LCN9: variants seen among roughly 807,000 people sequenced by gnomAD.
LCN9 encodes the protein lipocalin 9, also known as epididymal-specific lipocalin-9.
A neutral mutation model predicts 18.5 loss-of-function variants in LCN9; 22 were observed. The ratio of observed to expected loss-of-function variants is 1.19; its 90% CI spans 0.85 to 1.70. The LOEUF (loss-of-function observed/expected upper bound fraction) is 1.70, where lower values mean the gene tolerates loss of function less well. Ranked by LOEUF, LCN9 falls within the 40% of genes most tolerant of loss-of-function variation. The pLI, the probability that LCN9 is intolerant of heterozygous loss-of-function variation, is 0.00. For missense variants in LCN9, 202 were observed against 201.3 expected (o/e 1.00, Z -0.02); for synonymous variants, 89 against 83.0 (o/e 1.07, Z -0.39).
At position 135,665,106 on chromosome 9, in the gene LCN9, T is replaced by C; in HGVS notation, c.308-139T>C. The C allele has an allele frequency of 4.4e-6, 3 of 681,526 alleles. No homozygotes were observed. Among genetic ancestry groups the C allele is most frequent in the South Asian group, 3.4e-5 (2 of 59,172 alleles). The allele number at this position is 681,526 out of a possible 1,614,324, so 42.2% of individuals were successfully genotyped here. A position where few individuals can be genotyped will look rare whatever the true frequency, so the allele number is the denominator to read the frequency against. ...CCGCCCCCTGTGCAGGGGTCTCCGCTGGGTGAGCACCGTGGGCTCCTCCCC... is the reference window on the plus strand; with the variant it reads ...CCGCCCCCTGTGCAGGGGTCTCCGCCGGGTGAGCACCGTGGGCTCCTCCCC... On this transcript the variant is annotated intron_variant, in intron 3 of 5. Coordinates refer to ENST00000619315, the Ensembl canonical transcript of LCN9. This position sits in a 1 kb window ranked among gnomAD's most constrained non-coding sequence, Gnocchi z 5.9.
In LCN9 at chr9:135,664,420, G is replaced by A. The variant is rs1361650816; in HGVS notation, c.233+122G>A. On this transcript the variant is annotated intron_variant, in intron 2 of 5. Coordinates refer to ENST00000619315, the Ensembl canonical transcript of LCN9. This position sits in a 1 kb window ranked among gnomAD's most constrained non-coding sequence, Gnocchi z 4.5. The stretch of plus-strand genomic sequence containing the variant: ...CTGACTTGCACTCTGGTGAGAGCCT[G>A]AGCCTGTGCGTGTGACCCTTGGGGG... The A allele has an allele frequency of 7.7e-7, 1 of 1,306,342 alleles. No homozygotes were observed. Among genetic ancestry groups the A allele is most frequent in the African/African-American group, 1.4e-5 (1 of 69,068 alleles). 80.9% of individuals were successfully genotyped at this position (1,306,342 alleles called of 1,614,324 possible).
In LCN9 at chr9:135,664,541, G is replaced by A. The variant is rs150721370; in HGVS notation, c.234-181G>A. Among the ~76,000 whole-genome samples the A allele has an allele frequency of 6.6e-5, 10 of 152,218 alleles. No homozygotes were observed. The East Asian group carries it at 1.7e-3, about 26-fold the overall frequency. On this transcript the variant is annotated intron_variant, in intron 2 of 5. Coordinates refer to ENST00000619315, the Ensembl canonical transcript of LCN9. The surrounding 1 kb of genome is among the most constrained non-coding windows in gnomAD (Gnocchi z 4.5). ...CGCCCCCTTCCAAGGCTGGGGTGAG[G>A]TTCGAGGAGATGAGGGTGTCCGGTG... is the stretch of plus-strand genomic sequence containing the variant.
Position 135,664,137 on chromosome 9 carries a change from A to T in LCN9, c.97-25A>T. On this transcript the variant is annotated intron_variant, in intron 1 of 5. Transcript: ENST00000619315. This position sits in a 1 kb window ranked among gnomAD's most constrained non-coding sequence, Gnocchi z 4.5. The stretch of plus-strand genomic sequence containing the variant: ...CCCCAGGGCTGTCCCGCGGCCCCCC[A>T]CCCACTGGAGCTCTTTGTCTTCAGG... The T allele has an allele frequency of 6.8e-7, 1 of 1,461,230 alleles. No homozygotes were observed. The highest frequency in any genetic ancestry group is 9.3e-7 in the Non-Finnish European group (1 of 1,072,934). The allele number at this position is 1,461,230 out of a possible 1,614,324, so 90.5% of individuals were successfully genotyped here.
intron 1 of LCN9, 55 bp downstream of exon 1, chr9:135,663,472 TCCCCCAG>T (rs1231211010): frequency 6.7e-7 from 1 of 1,492,974 alleles, no homozygotes; most frequent in Non-Finnish European, 9.3e-7. Flanking sequence ...GCACCTGTCT[TCCCCCAG>T]CCTGGGGTCT....
Position 135,664,325 on chromosome 9 carries a change from T to C in LCN9, c.233+27T>C, listed in dbSNP as rs753333877. On this transcript the variant is annotated intron_variant, in intron 2 of 5. Transcript: ENST00000619315. The surrounding 1 kb of genome is among the most constrained non-coding windows in gnomAD (Gnocchi z 4.5). ...TGCGTGTTGCCCATCTCAGCTGGCA[T>C]CAGGAAGACCCATGCCCCTGCCACC... 6.2e-7 allele frequency: 1 copy of C among 1,613,316 alleles called. No homozygotes were observed.
Position 135,664,791 on chromosome 9 carries a change from C to A in LCN9, c.303C>A (p.Ile101=). 6.3e-7 allele frequency: 1 copy of A among 1,585,144 alleles called. No homozygotes were observed. Among genetic ancestry groups the A allele is most frequent in the Admixed American group, 1.8e-5 (1 of 55,478 alleles). Residue 101 remains isoleucine, a synonymous_variant, in exon 3 of 6, where the codon ATC becomes ATA. Coordinates refer to ENST00000619315, the Ensembl canonical transcript of LCN9. The surrounding 1 kb of genome is among the most constrained non-coding windows in gnomAD (Gnocchi z 4.5). ...CAGAGAAGAATGGGGAATACTCCAT[C>A]AACTGTAAGTGGAAGCCAGGCTCCT... is the stretch of plus-strand genomic sequence containing the variant.
At chr9:135,663,536 T>TC (rs1564285651) in intron 1 of LCN9, 119 bp downstream of exon 1, 1 of 509,852 alleles carries the variant, frequency 2.0e-6, no homozygotes, top group Non-Finnish European at 3.4e-6. Flanking sequence ...CCACCTCTCC[T>TC]CCCCAAGCTG....
At position 135,665,863 on chromosome 9, in the gene LCN9, C is replaced by G; in HGVS notation, c.*12C>G. 1.2e-6 allele frequency: 2 copies of G among 1,612,900 alleles called. No homozygotes were observed. Among genetic ancestry groups the G allele is most frequent in the Non-Finnish European group, 1.7e-6 (2 of 1,179,534 alleles). ...GAGAGCCCCCTCTGTCCTTCCAGAT[C>G]CCTGCTACTCCAAGCATTACAGGAG... On this transcript the variant is annotated splice_region_variant and 3_prime_UTR_variant, in exon 6 of 6. Transcript: ENST00000619315. This position sits in a 1 kb window ranked among gnomAD's most constrained non-coding sequence, Gnocchi z 5.9.
Position 135,665,935 on chromosome 9 carries a change from G to C in LCN9, c.*84G>C, listed in dbSNP as rs756809247. ...TGAGCTGCGACTCGGGACGGGCAGG[G>C]GGCTGGATGGGGAGAGCTTGGGGCC... On this transcript the variant is annotated 3_prime_UTR_variant, in exon 6 of 6. Transcript: ENST00000619315. This position sits in a 1 kb window ranked among gnomAD's most constrained non-coding sequence, Gnocchi z 5.9. 7 of 1,605,668 alleles carry C rather than the reference G, an allele frequency of 4.4e-6. No individual in the cohort carries two copies. Among genetic ancestry groups the C allele is most frequent in the Non-Finnish European group, 5.9e-6 (7 of 1,178,048 alleles).
intron 1 of LCN9, among the ~76,000 whole-genome samples, 164 bp from the exon 2 acceptor site, chr9:135,663,998 G>A (rs1446544499): frequency 1.4e-5 from 2 of 146,022 alleles, no homozygotes; most frequent in Non-Finnish European, 1.5e-5. Flanking sequence ...GGGTAAAGGG[G>A]GGATCTGGTG....
chr9:135,666,175 A>G, exon 6 of LCN9: 2 of 1,547,334 alleles, frequency 1.3e-6, no homozygotes, highest in Non-Finnish European at 1.7e-6. Context: ...GCGGGTGACT[A>G]GGACAACCAG....
rs367648675 is a variant in LCN9 at position 135,665,342 on chromosome 9, G to A, written c.405G>A (p.Thr135=). ...TCAGGAACGGGACCGAGACCCACAC[G>A]CTGGCGCTCTATGGTACCTCCGCTG... The change falls in exon 4 of 6, where the codon ACG becomes ACA. Residue 135 remains threonine (T), a synonymous_variant. Transcript: ENST00000619315. The surrounding 1 kb of genome is among the most constrained non-coding windows in gnomAD (Gnocchi z 5.9). 163 of 1,599,786 alleles carry A rather than the reference G, an allele frequency of 1.0e-4. No individual in the cohort carries two copies. Among genetic ancestry groups the A allele is most frequent in the Admixed American group, 1.2e-4 (7 of 58,280 alleles).
intron 1 of LCN9, among the ~76,000 whole-genome samples, chr9:135,663,941 G>A (rs1248867193): frequency 7.2e-6 from 1 of 139,610 alleles, no homozygotes; most frequent in African/African-American, 2.8e-5. Context: ...GGCAGCGGGG[G>A]CCCTGGAAGG....
Position 135,663,579 on chromosome 9 carries a change from G to A in LCN9, c.96+162G>A, listed in dbSNP as rs11103128. ...AGCCTGGGAGAGCAGGGGTTACTCC[G>A]GGAGGGTCGGGTGGGAGAGGCCTGG... On this transcript the variant is annotated intron_variant, in intron 1 of 5. Coordinates refer to ENST00000619315, the Ensembl canonical transcript of LCN9. Among the ~76,000 whole-genome samples the A allele has an allele frequency of 4.0e-5, 6 of 151,828 alleles. 1 individual carries two copies. Among genetic ancestry groups the A allele is most frequent in the South Asian group, 4.2e-4 (2 of 4,806 alleles).
exon 6 of LCN9, chr9:135,666,066 T>C (rs201915341): frequency 1.4e-4 from 229 of 1,599,512 alleles, no homozygotes; most frequent in Middle Eastern, 1.3e-3. Flanking sequence ...AAAAGCATCC[T>C]GGAGTCGGGG....
chr9:135,666,351 T>A (rs1393207988), exon 6 of LCN9: 1 of 558,800 alleles, frequency 1.8e-6, no homozygotes, highest in Non-Finnish European at 3.2e-6. Flanking sequence ...CCTCTGTCTG[T>A]GTCTCCTCTT....
In LCN9 at chr9:135,665,080, C is replaced by T; in HGVS notation, c.308-165C>T. ...GAGGGAGGGGGCTGTGCCGCTGCTG[C>T]CCGCCCCCTGTGCAGGGGTCTCCGC... On this transcript the variant is annotated intron_variant, in intron 3 of 5. Transcript: ENST00000619315. This position sits in a 1 kb window ranked among gnomAD's most constrained non-coding sequence, Gnocchi z 5.9. The T allele has an allele frequency of 3.1e-6, 2 of 644,200 alleles. No homozygotes were observed. The highest frequency in any genetic ancestry group is 2.7e-5 in the East Asian group (1 of 36,632). The allele number at this position is 644,200 out of a possible 1,614,324, so 39.9% of individuals were successfully genotyped here.
rs1834212175 is a variant in LCN9 at position 135,665,871 on chromosome 9, C to T, written c.*20C>T. On this transcript the variant is annotated 3_prime_UTR_variant, in exon 6 of 6. Transcript: ENST00000619315. This position sits in a 1 kb window ranked among gnomAD's most constrained non-coding sequence, Gnocchi z 5.9. ...CCTCTGTCCTTCCAGATCCCTGCTA[C>T]TCCAAGCATTACAGGAGCCCGCCCA... 3 of 1,612,990 alleles carry T rather than the reference C, an allele frequency of 1.9e-6. No homozygotes were observed. The highest frequency in any genetic ancestry group is 1.1e-5 in the South Asian group (1 of 90,914).
At position 135,665,834 on chromosome 9, in the gene LCN9, C is replaced by A. The variant is rs529788501; in HGVS notation, c.*10-27C>A. On this transcript the variant is annotated intron_variant, in intron 5 of 5. Coordinates refer to ENST00000619315, the Ensembl canonical transcript of LCN9. The surrounding 1 kb of genome is among the most constrained non-coding windows in gnomAD (Gnocchi z 5.9). ...TGTGCCTGCGGGGTCCCTGTCCCTGCGCTGAGAGCCCCCTCTGTCCTTCCA... is the reference window on the plus strand; with the variant it reads ...TGTGCCTGCGGGGTCCCTGTCCCTGAGCTGAGAGCCCCCTCTGTCCTTCCA... The A allele has an allele frequency of 6.2e-7, 1 of 1,611,988 alleles. No individual in the cohort carries two copies. The highest frequency in any genetic ancestry group is 8.5e-7 in the Non-Finnish European group (1 of 1,179,062).
Sources: gnomAD v4.1 joint callset for allele counts (sites outside exome capture counted in the v4.1 genomes callset) on GRCh38, gnomAD v4.1.1 for gene constraint, Gnocchi (gnomAD v3.1) non-coding constraint, MANE v1.5 for transcripts, NCBI Gene and HGNC (gene_info 2026-07-23, HGNC 2026-07-21) for gene names.